Variants in STAG2 observed in about 807,000 individuals in gnomAD.
The protein encoded by STAG2 is cohesin subunit SA-2.
Under a neutral mutation model 108.1 loss-of-function variants are expected in STAG2, and 14 were observed. That is an observed-to-expected ratio of 0.13 (90% CI 0.09 to 0.20). STAG2 has a LOEUF of 0.20. Among genes scored for constraint, STAG2 ranks in the 10% least tolerant of loss-of-function variants. The pLI is 1.00. For synonymous variants in STAG2, 307 were observed against 302.7 expected, an observed-to-expected ratio of 1.01 and a Z score of -0.15; for missense variants, 440 against 940.9, an observed-to-expected ratio of 0.47 and a Z score of 6.96.
chrX:124,085,795 A>G (rs1195333423), intron 29 of STAG2, among the ~76,000 whole-genome samples: 2 of 96,202 alleles, frequency 2.1e-5, no homozygotes, highest in East Asian at 3.3e-4. Context: ...AAAAAAAAAA[A>G]AGAGAAAGGC....
intron 8 of STAG2, among the ~76,000 whole-genome samples, chrX:124,046,331 T>G (rs2057877337): frequency 8.9e-6 from 1 of 112,122 alleles, no homozygotes; most frequent in Admixed American, 9.5e-5. Context: ...TGTTTTTAGA[T>G]TTGAAGTCAG....
rs772042229 is a variant in STAG2, at chrX:124,027,022, C to G, written c.123+1104C>G. 4.5e-5 allele frequency among the ~76,000 whole-genome samples: 5 copies of G among 111,874 alleles called. No individual in the cohort carries two copies. In the East Asian group the frequency reaches 1.4e-3, roughly 31 times the overall value. On this transcript the variant is annotated intron_variant, in intron 4 of 34. Coordinates refer to ENST00000371145, the MANE Select transcript of STAG2 (RefSeq NM_001042750.2). ...TAAAGCAATTATCCTGCCTCAGCCTCTCGACTGGACTACAGGCACCACAGG... is the reference window on the plus strand; with the variant it reads ...TAAAGCAATTATCCTGCCTCAGCCTGTCGACTGGACTACAGGCACCACAGG...
intron 1 of STAG2, among the ~76,000 whole-genome samples, chrX:124,002,177 A>G (rs1046015430): frequency 8.0e-5 from 9 of 112,111 alleles, no homozygotes; most frequent in Non-Finnish European, 1.3e-4. Context: ...TGATCATGCC[A>G]CTGCACTGTA....
In STAG2 at chrX:124,043,195, A is replaced by G. The variant is rs181633203; in HGVS notation, c.462+550A>G. On this transcript the variant is annotated intron_variant, in intron 7 of 34. Coordinates refer to ENST00000371145, the MANE Select transcript of STAG2 (RefSeq NM_001042750.2). The stretch of plus-strand genomic sequence containing the variant: ...GTCGCCCAGGCTGGAGTGCAGTGGC[A>G]TGATCTCACTGCAACCTCTGCCTCC... 6.9e-4 allele frequency among the ~76,000 whole-genome samples: 71 copies of G among 103,512 alleles called. 1 individual carries two copies. The East Asian group carries it at 0.02, about 29-fold the overall frequency. The allele number at this position is 103,512 out of a possible 115,157, so 89.9% of individuals were successfully genotyped here.
At chrX:123,975,772 A>G (rs894998242) in intron 1 of STAG2, among the ~76,000 whole-genome samples, 33 of 111,990 alleles carry the variant, frequency 2.9e-4, no homozygotes, top group Non-Finnish European at 4.1e-4. Context: ...CGGAATATGT[A>G]CTTTTTGAGT....
intron 1 of STAG2, among the ~76,000 whole-genome samples, chrX:124,018,057 G>C (rs764594203): frequency 8.9e-6 from 1 of 112,129 alleles, no homozygotes; most frequent in African/African-American, 3.2e-5. Flanking sequence ...GCAGAAGCTA[G>C]TTGTTGCTGG....
chrX:124,072,094 C>T (rs545871689), intron 25 of STAG2, among the ~76,000 whole-genome samples: 3 of 110,997 alleles, frequency 2.7e-5, no homozygotes, highest in African/African-American at 9.8e-5. Context: ...GCTCACTGCA[C>T]CCTCAAACTC....
chrX:123,960,602 CA>C (rs1208693829), upstream of STAG2: 3 of 7,011 alleles, frequency 4.3e-4, no homozygotes, highest in African/African-American at 5.4e-4. Flanking sequence ...GAAGCGCCAC[CA>C]AAAAAAAAAA....
At chrX:124,031,478 G>A (rs1017357155) in intron 5 of STAG2, among the ~76,000 whole-genome samples, 1 of 108,298 alleles carries the variant, frequency 9.2e-6, no homozygotes, top group Non-Finnish European at 1.9e-5. Context: ...TCCTGCCTCA[G>A]CCTCCCAAGT....
chrX:124,097,528 A>C (rs1019722186), intron 34 of STAG2, among the ~76,000 whole-genome samples: 5 of 111,835 alleles, frequency 4.5e-5, no homozygotes, highest in Admixed American at 2.9e-4. Flanking sequence ...GTTGGTGCTA[A>C]AGCGAATAAG....
intron 1 of STAG2, among the ~76,000 whole-genome samples, chrX:123,993,497 A>G (rs1202420488): frequency 3.6e-5 from 4 of 110,590 alleles, no homozygotes; most frequent in Admixed American, 2.9e-4. Context: ...AAAGCTTCTT[A>G]AGGACATTCT....
chrX:124,051,095 T>C (rs1438348022), intron 11 of STAG2, 26 bp from the exon 12 acceptor site: 1 of 856,127 alleles, frequency 1.2e-6, no homozygotes, highest in Admixed American at 3.3e-5. Context: ...ATGCATTGTC[T>C]CATCTTTTTT....
rs756567157 is a variant in STAG2 at position 124,025,881 on chromosome X, A to G, written c.86A>G (p.Asp29Gly). 8.4e-7 allele frequency: 1 copy of G among 1,188,525 alleles called. No individual in the cohort carries two copies. The highest frequency in any genetic ancestry group is 1.9e-5 in the South Asian group (1 of 52,850). The change falls in exon 4 of 35, where the codon GAT (aspartate) becomes GGT (glycine). Residue 29 changes from aspartate to glycine, a missense_variant. Asp to Gly is a moderately conservative substitution (Grantham distance 94, BLOSUM62 -1). Around this residue, in one of 3 missense-constraint regions of STAG2, gnomAD observed 34 missense variants for 36.7 expected, o/e 0.93. Transcript: ENST00000371145. ...TTTTCTTCTGACACAGATTTTGAAG[A>G]TATCGAAGGAAAAAACCAAAAGCAA... is the stretch of plus-strand genomic sequence containing the variant. ...THFSSDTDFE[D>G]IEGKNQKQGK...
At chrX:123,962,215 A>T (rs1485121728) in intron 1 of STAG2, 1 of 111,071 alleles carries the variant, frequency 9.0e-6, no homozygotes, top group African/African-American at 3.3e-5. Context: ...TTTTGGGACG[A>T]AAAGGGTCGG....
At chrX:123,976,162 A>C (rs2054605299) in intron 1 of STAG2, among the ~76,000 whole-genome samples, 2 of 111,488 alleles carry the variant, frequency 1.8e-5, no homozygotes, top group South Asian at 7.5e-4. Context: ...TAATCTCAGC[A>C]ACTTGGGAGG....
At chrX:124,054,492 CAT>C (rs959051509) in intron 13 of STAG2, among the ~76,000 whole-genome samples, 1 of 111,723 alleles carries the variant, frequency 9.0e-6, no homozygotes, top group Non-Finnish European at 1.9e-5. Context: ...GTTATACACA[CAT>C]GTTGTATATA....
chrX:124,074,112 C>T (rs887284482), intron 25 of STAG2, among the ~76,000 whole-genome samples: 9 of 112,231 alleles, frequency 8.0e-5, no homozygotes, highest in Admixed American at 1.9e-4. Context: ...TGAGATCTTG[C>T]TATATTGCTC....
chrX:124,066,033 TTTG>T (rs1209836307), intron 21 of STAG2, 87 bp downstream of exon 21: 22 of 971,797 alleles, frequency 2.3e-5, no homozygotes, highest in Non-Finnish European at 9.7e-6. Flanking sequence ...TCTAAGCTAA[TTTG>T]TTGTTGTCGT....
At chrX:124,048,776 TC>T (rs1418391667) in intron 9 of STAG2, among the ~76,000 whole-genome samples, 3 of 111,867 alleles carry the variant, frequency 2.7e-5, no homozygotes, top group Non-Finnish European at 5.6e-5. Context: ...AGAAAAAAAA[TC>T]TACTAGCTAA....
Sources: allele counts gnomAD v4.1 joint callset (sites outside exome capture counted in the v4.1 genomes callset), GRCh38; gene constraint gnomAD v4.1.1; regional missense constraint gnomAD v4.1.1; transcripts MANE v1.5; gene names NCBI Gene and HGNC (gene_info 2026-07-23, HGNC 2026-07-21).